Variants in ATP8B1 observed in about 807,000 individuals in gnomAD.
The protein encoded by ATP8B1 is ATPase phospholipid transporting 8B1, also known as phospholipid-transporting ATPase IC.
A neutral mutation model predicts 149.9 loss-of-function variants in ATP8B1; 80 were observed. The observed-to-expected ratio is 0.53, with a 90% CI of 0.45 to 0.64. The LOEUF is 0.64. Among genes scored for constraint, ATP8B1 ranks in the 30% least tolerant of loss-of-function variants. The pLI, the probability that ATP8B1 is intolerant of heterozygous loss-of-function variation, is 0.00. For synonymous variants in ATP8B1, 536 were observed against 562.8 expected (o/e 0.95, Z 0.67); for missense variants, 1,247 against 1,552.6 (o/e 0.80, Z 3.31).
chr18:57,730,124 A>G (rs1313808141), intron 2 of ATP8B1, among the ~76,000 whole-genome samples: 1 of 152,136 alleles, frequency 6.6e-6, no homozygotes, highest in African/African-American at 2.4e-5. Context: ...TGACCAGAAC[A>G]GGAAGAATCA....
intron 1 of ATP8B1, among the ~76,000 whole-genome samples, chr18:57,743,220 A>G (rs926359609): frequency 6.6e-6 from 1 of 151,792 alleles, no homozygotes; most frequent in Non-Finnish European, 1.5e-5. Context: ...GGCCCTTTCC[A>G]CACATATCCC....
intron 2 of ATP8B1, among the ~76,000 whole-genome samples, chr18:57,707,416 T>G (rs541273985): frequency 6.8e-6 from 1 of 147,530 alleles, no homozygotes; most frequent in Non-Finnish European, 1.5e-5. Flanking sequence ...TGGAGAGAAC[T>G]AGGTGTTGAT....
At chr18:57,777,140 G>A (rs2080312619) in intron 1 of ATP8B1, among the ~76,000 whole-genome samples, 1 of 152,108 alleles carries the variant, frequency 6.6e-6, no homozygotes, top group South Asian at 2.1e-4. Flanking sequence ...ACCACACCCA[G>A]CTGATTTTTA....
At chr18:57,763,224 C>T (rs2080173301) in intron 1 of ATP8B1, among the ~76,000 whole-genome samples, 1 of 151,972 alleles carries the variant, frequency 6.6e-6, no homozygotes, top group Non-Finnish European at 1.5e-5. Flanking sequence ...GAGGCCCTGT[C>T]TCTACTAAAA....
chr18:57,781,588 T>C (rs1444846916), intron 1 of ATP8B1, among the ~76,000 whole-genome samples: 1 of 152,222 alleles, frequency 6.6e-6, no homozygotes, highest in African/African-American at 2.4e-5. Flanking sequence ...TGATCAGTTA[T>C]TGAATGCCTA....
At chr18:57,691,744 C>CT (rs781692729) in intron 12 of ATP8B1, 63 bp downstream of exon 12, 154 of 1,572,928 alleles carry the variant, frequency 9.8e-5, no homozygotes, top group Non-Finnish European at 1.3e-4. Context: ...AATGAAGGCA[C>CT]TATGTTGGGA....
At chr18:57,757,015 T>G (rs1415193078) in intron 1 of ATP8B1, among the ~76,000 whole-genome samples, 1 of 152,168 alleles carries the variant, frequency 6.6e-6, no homozygotes, top group Non-Finnish European at 1.5e-5. Context: ...CAGTCTCTAC[T>G]ACAATGGCCA....
intron 19 of ATP8B1, among the ~76,000 whole-genome samples, chr18:57,667,822 T>C (rs576907279): frequency 1.1e-4 from 17 of 152,182 alleles, no homozygotes; most frequent in African/African-American, 4.1e-4. Flanking sequence ...ACCACCCAAT[T>C]TGGCATTTAT....
At chr18:57,761,928 G>A (rs2080161723) in intron 1 of ATP8B1, among the ~76,000 whole-genome samples, 1 of 128,932 alleles carries the variant, frequency 7.8e-6, no homozygotes. Context: ...CCAGCCTGGT[G>A]ACAGAGCAAG....
At chr18:57,748,433 G>C (rs61456468) in intron 1 of ATP8B1, among the ~76,000 whole-genome samples, 9,881 of 152,182 alleles carry the variant, frequency 0.065, 918 homozygotes, top group African/African-American at 0.21. Context: ...GAAGATGGCC[G>C]TGCAAAACCT....
Position 57,697,799 on chromosome 18 carries a change from A to G in ATP8B1, c.623T>C (p.Val208Ala), listed in dbSNP as rs535998516. 6.2e-6 allele frequency: 10 copies of G among 1,614,042 alleles called. No individual in the cohort carries two copies. The South Asian group carries it at 1.1e-4, about 18-fold the overall frequency. The change falls in exon 7 of 28, where the codon GTT becomes GCT. Residue 208 changes from valine to alanine, a missense_variant. Transcript: ENST00000648908. ...DVIRLKKNDF[V>A]PADILLLSSS... is the part of the protein sequence containing the mutation. Reference sequence around the variant, plus strand: ...AAGCAGAATTTGTTCACTTACTGGAACAAAATCATTTTTTTTCAGACGAAT... The same window carrying G: ...AAGCAGAATTTGTTCACTTACTGGAGCAAAATCATTTTTTTTCAGACGAAT...
At chr18:57,744,265 A>C (rs576392112) in intron 1 of ATP8B1, among the ~76,000 whole-genome samples, 1 of 147,172 alleles carries the variant, frequency 6.8e-6, no homozygotes. Flanking sequence ...CAGTGAGCCA[A>C]GATGGCACCA....
intron 1 of ATP8B1, among the ~76,000 whole-genome samples, chr18:57,785,651 G>A (rs769391474): frequency 1.1e-4 from 17 of 152,026 alleles, no homozygotes; most frequent in Non-Finnish European, 1.5e-4. Flanking sequence ...GATTACAGGC[G>A]CGTGCCACCA....
intron 2 of ATP8B1, 30 bp from the exon 3 acceptor site, chr18:57,706,617 G>A (rs765488431): frequency 1.3e-6 from 2 of 1,547,138 alleles, no homozygotes; most frequent in Non-Finnish European, 1.8e-6. Context: ...AAGTTCGTAA[G>A]TAGCAAATTA....
chr18:57,661,650 C>T (rs1910420977), intron 21 of ATP8B1, among the ~76,000 whole-genome samples, 188 bp from the exon 22 acceptor site: 1 of 112,792 alleles, frequency 8.9e-6, no homozygotes, highest in South Asian at 2.8e-4. Flanking sequence ...TACACACGCA[C>T]ACATATATGT....
intron 1 of ATP8B1, among the ~76,000 whole-genome samples, chr18:57,785,372 CT>C (rs1215815713): frequency 1.3e-5 from 2 of 152,172 alleles, no homozygotes; most frequent in African/African-American, 2.4e-5. Context: ...CATAAGAGTC[CT>C]TTTTTTCCTA....
At chr18:57,782,898 C>T (rs775304805) in intron 1 of ATP8B1, among the ~76,000 whole-genome samples, 15 of 139,976 alleles carry the variant, frequency 1.1e-4, no homozygotes, top group Non-Finnish European at 2.0e-4. Context: ...ACTGCAAACT[C>T]GCCTCCTGGG....
At chr18:57,760,277 T>C (rs951335778) in intron 1 of ATP8B1, among the ~76,000 whole-genome samples, 3 of 152,200 alleles carry the variant, frequency 2.0e-5, no homozygotes, top group Non-Finnish European at 4.4e-5. Context: ...GGGATGAACA[T>C]TTCATCAACA....
chr18:57,656,880 C>G (rs1376214154), intron 22 of ATP8B1, among the ~76,000 whole-genome samples: 5 of 151,766 alleles, frequency 3.3e-5, no homozygotes, highest in African/African-American at 1.2e-4. Flanking sequence ...GGGAGAGAGA[C>G]AGACAGACAC....
Sources: gnomAD v4.1 joint callset for allele counts (sites outside exome capture counted in the v4.1 genomes callset) on GRCh38, gnomAD v4.1.1 for gene constraint, MANE v1.5 for transcripts, NCBI Gene and HGNC (gene_info 2026-07-23, HGNC 2026-07-21) for gene names.